PCDH15: variants seen among roughly 807,000 people sequenced by gnomAD.
PCDH15 encodes the protein protocadherin related 15, also known as protocadherin-15.
PCDH15 carries 129 observed loss-of-function variants against 178.5 expected under a neutral mutation model. The ratio of observed to expected loss-of-function variants is 0.72; its 90% CI spans 0.63 to 0.84. The LOEUF (loss-of-function observed/expected upper bound fraction) is 0.84, where lower values mean the gene tolerates loss of function less well. Among genes scored for constraint, PCDH15 ranks in the 40% least tolerant of loss-of-function variants. PCDH15 has a pLI of 0.00. For synonymous variants in PCDH15, 800 were observed against 732.0 expected (o/e 1.09, Z -1.50); for missense variants, 2,230 against 2,099.9 (o/e 1.06, Z -1.21).
intron 2 of PCDH15, among the ~76,000 whole-genome samples, chr10:55,105,069 C>G (rs1842643824): frequency 6.6e-6 from 1 of 152,266 alleles, no homozygotes; most frequent in South Asian, 2.1e-4. Flanking sequence ...CTTAATGCTG[C>G]ATTTTTATGT....
intron 3 of PCDH15, among the ~76,000 whole-genome samples, chr10:54,459,408 T>C (rs2136427443): frequency 6.6e-6 from 1 of 151,964 alleles, no homozygotes. Context: ...TTGACTCTTG[T>C]TTATATCAAT....
At chr10:55,014,136 A>T (rs2131946367) in intron 2 of PCDH15, among the ~76,000 whole-genome samples, 1 of 152,250 alleles carries the variant, frequency 6.6e-6, no homozygotes, top group South Asian at 2.1e-4. Flanking sequence ...ATGAGAAAGT[A>T]GTTCTGCATT....
rs59953769 is a variant in PCDH15 at position 54,380,643 on chromosome 10, G to GTATATATATATATATATATA, written c.158-1721_158-1702dup. Among the ~76,000 whole-genome samples, 17 of 15,290 alleles carry GTATATATATATATATATATA rather than the reference G, an allele frequency of 1.1e-3. 3 individuals are homozygous for GTATATATATATATATATATA. The highest frequency in any genetic ancestry group is 3.6e-3 in the African/African-American group (17 of 4,758). 10.0% of individuals were successfully genotyped at this position (15,290 alleles called of 152,430 possible). A position where few individuals can be genotyped will look rare whatever the true frequency, so the allele number is the denominator to read the frequency against. ...AAATCTTCTGATTGTGTGTATGCAT[G>GTATATATATATATATATATA]TATATATATATATATATATATATAT... On this transcript the variant is annotated intron_variant, in intron 3 of 37. Transcript: ENST00000644397.
chr10:55,600,795 G>A (rs558806836), intron 2 of PCDH15, among the ~76,000 whole-genome samples: 4 of 152,138 alleles, frequency 2.6e-5, no homozygotes, highest in African/African-American at 9.6e-5. Context: ...TGTAGAACCG[G>A]TGCCCAGGTC....
At chr10:55,583,164 C>A (rs1842656746) in intron 2 of PCDH15, among the ~76,000 whole-genome samples, 1 of 152,100 alleles carries the variant, frequency 6.6e-6, no homozygotes, top group African/African-American at 2.4e-5. Flanking sequence ...AAAAATTTAA[C>A]ATTCACTCTG....
chr10:54,169,063 T>G (rs1237493585), intron 13 of PCDH15, among the ~76,000 whole-genome samples: 11 of 152,100 alleles, frequency 7.2e-5, no homozygotes, highest in African/African-American at 2.2e-4. Context: ...GGCCAAGGAA[T>G]GCCTGCAGCC....
intron 3 of PCDH15, among the ~76,000 whole-genome samples, chr10:54,516,400 C>T (rs912027669): frequency 6.6e-6 from 1 of 151,928 alleles, no homozygotes; most frequent in Non-Finnish European, 1.5e-5. Context: ...GGCTCGAGAA[C>T]TACGTGAAGA....
At chr10:54,184,447 T>TA (rs1401587383) in intron 12 of PCDH15, among the ~76,000 whole-genome samples, 5 of 152,144 alleles carry the variant, frequency 3.3e-5, no homozygotes, top group Admixed American at 2.6e-4. Flanking sequence ...TGTGTGCATG[T>TA]GTGTGTATGT....
intron 2 of PCDH15, among the ~76,000 whole-genome samples, chr10:54,615,303 C>T (rs1057225245): frequency 6.6e-6 from 1 of 151,910 alleles, no homozygotes; most frequent in Admixed American, 6.6e-5. Flanking sequence ...TTACCAGATA[C>T]AATGTTTTGT....
chr10:53,915,982 A>C (rs1015376464), intron 25 of PCDH15, among the ~76,000 whole-genome samples: 2 of 152,242 alleles, frequency 1.3e-5, no homozygotes, highest in African/African-American at 4.8e-5. Flanking sequence ...TTCTGATACC[A>C]GAATCCACAT....
chr10:55,408,975 C>A (rs1453265452), intron 2 of PCDH15, among the ~76,000 whole-genome samples: 3 of 152,066 alleles, frequency 2.0e-5, no homozygotes, highest in Non-Finnish European at 4.4e-5. Flanking sequence ...ATGTTTTTAT[C>A]CTAATTCACT....
intron 25 of PCDH15, 50 bp downstream of exon 25, chr10:53,938,765 A>AG: frequency 2.5e-6 from 4 of 1,581,570 alleles, no homozygotes; most frequent in Non-Finnish European, 3.5e-6. Context: ...TTAAAAAATT[A>AG]GCAGAGACAC....
intron 26 of PCDH15, among the ~76,000 whole-genome samples, chr10:53,884,754 C>T (rs1203195484): frequency 6.6e-6 from 1 of 152,058 alleles, no homozygotes; most frequent in Non-Finnish European, 1.5e-5. Flanking sequence ...TTGCTTGTAT[C>T]CTTATTAGTG....
chr10:54,148,962 T>A (rs959362270), intron 14 of PCDH15, among the ~76,000 whole-genome samples: 1 of 152,088 alleles, frequency 6.6e-6, no homozygotes, highest in Admixed American at 6.6e-5. Context: ...AAGTTTCTTA[T>A]AAAAGAAAAT....
At chr10:55,349,054 A>G (rs1844838382) in intron 2 of PCDH15, among the ~76,000 whole-genome samples, 1 of 152,156 alleles carries the variant, frequency 6.6e-6, no homozygotes, top group Non-Finnish European at 1.5e-5. Context: ...GGACTTGATC[A>G]ATCTGGCAAC....
intron 3 of PCDH15, among the ~76,000 whole-genome samples, chr10:54,427,268 G>GTTTT (rs1956382985): frequency 2.0e-5 from 2 of 100,290 alleles, no homozygotes; most frequent in African/African-American, 9.1e-5. Context: ...CTCTTTTTCT[G>GTTTT]GTTTTTTTTT....
intron 2 of PCDH15, among the ~76,000 whole-genome samples, chr10:55,038,931 C>T (rs1012387119): frequency 6.6e-6 from 1 of 152,088 alleles, no homozygotes; most frequent in Non-Finnish European, 1.5e-5. Context: ...GTTTATTCCG[C>T]TTTGTCCACC....
chr10:54,580,443 C>G (rs1403431594), intron 2 of PCDH15, among the ~76,000 whole-genome samples: 2 of 151,738 alleles, frequency 1.3e-5, no homozygotes, highest in African/African-American at 4.8e-5. Flanking sequence ...ACAAATGAAT[C>G]AGTCATAAAA....
At chr10:53,813,146 C>G (rs977654367) in intron 35 of PCDH15, among the ~76,000 whole-genome samples, 3 of 152,146 alleles carry the variant, frequency 2.0e-5, no homozygotes, top group African/African-American at 7.2e-5. Context: ...ATCTAGTTGG[C>G]TAGATTAATT....
Sources: allele counts gnomAD v4.1 joint callset (sites outside exome capture counted in the v4.1 genomes callset), GRCh38; gene constraint gnomAD v4.1.1; transcripts MANE v1.5; gene names NCBI Gene and HGNC (gene_info 2026-07-23, HGNC 2026-07-21).